ERLIN2: variants seen among roughly 807,000 people sequenced by gnomAD.
ERLIN2 encodes erlin-2.
In ERLIN2, 22 loss-of-function variants were observed where a neutral mutation model predicts 41.5. The observed-to-expected ratio is 0.53, with a 90% CI of 0.38 to 0.76. The LOEUF (loss-of-function observed/expected upper bound fraction) is 0.76, where lower values mean the gene tolerates loss of function less well. ERLIN2 is among the 30% of genes least tolerant of loss of function. ERLIN2 has a pLI of 0.00. For missense variants in ERLIN2, 247 were observed against 414.3 expected, an observed-to-expected ratio of 0.60 and a Z score of 3.51; for synonymous variants, 149 against 150.9, an observed-to-expected ratio of 0.99 and a Z score of 0.09.
In ERLIN2 at chr8:37,741,886, G is replaced by A; in HGVS notation, c.236+68G>A. 7.9e-7 allele frequency: 1 copy of A among 1,272,856 alleles called. No homozygotes were observed. Among genetic ancestry groups the A allele is most frequent in the Non-Finnish European group, 1.1e-6 (1 of 869,750 alleles). 78.8% of individuals were successfully genotyped at this position (1,272,856 alleles called of 1,614,324 possible). The stretch of plus-strand genomic sequence containing the variant: ...AGAAAAGGCTGTCTGGCTGGTTGCA[G>A]GAAGAGACAGTGAAAAGGGAGGCAC... On this transcript the variant is annotated intron_variant, in intron 4 of 11. Coordinates refer to ENST00000519638, the MANE Select transcript of ERLIN2 (RefSeq NM_007175.8). This position sits in a 1 kb window ranked among gnomAD's most constrained non-coding sequence, Gnocchi z 4.8.
chr8:37,740,300 G>C, intron 2 of ERLIN2, 65 bp from the exon 3 acceptor site: 2 of 1,084,164 alleles, frequency 1.8e-6, no homozygotes, highest in East Asian at 2.4e-5. Context: ...TGACCCTCAT[G>C]ATATTGATCT....
chr8:37,743,072 G>A (rs190147774), intron 4 of ERLIN2, among the ~76,000 whole-genome samples: 13 of 152,286 alleles, frequency 8.5e-5, no homozygotes, highest in Admixed American at 2.0e-4. Context: ...TGACAAATCC[G>A]GAATTGGAAC....
chr8:37,753,412 A>T (rs1803273581), intron 10 of ERLIN2, 38 bp from the exon 11 acceptor site: 1 of 1,425,692 alleles, frequency 7.0e-7, no homozygotes, highest in Non-Finnish European at 9.8e-7. Context: ...ACTCAGTTTT[A>T]GCACTTCACC....
In ERLIN2 at chr8:37,755,575, C is replaced by CA. The variant is rs1803339291; in HGVS notation, c.*1460_*1461insA. 1 of 122,956 alleles carries CA rather than the reference C, an allele frequency of 8.1e-6. No homozygotes were observed. Among genetic ancestry groups the CA allele is most frequent in the Non-Finnish European group, 1.8e-5 (1 of 56,540 alleles). The allele number at this position is 122,956 out of a possible 1,614,324, so 7.6% of individuals were successfully genotyped here. ...CCCCCACCCCCCACCCCCCACCCCC[C>CA]CCCCCCGCCAACTCCTATACCCATC... On this transcript the variant is annotated 3_prime_UTR_variant, in exon 12 of 12. Coordinates refer to ENST00000519638, the MANE Select transcript of ERLIN2 (RefSeq NM_007175.8).
intron 11 of ERLIN2, 86 bp downstream of exon 11, chr8:37,753,615 A>G: frequency 8.1e-7 from 1 of 1,237,934 alleles, no homozygotes; most frequent in Non-Finnish European, 1.2e-6. Flanking sequence ...AGCGCCTGCC[A>G]CCACCCAAAG....
At chr8:37,739,150 G>A (rs1400270065) in intron 2 of ERLIN2, among the ~76,000 whole-genome samples, 1 of 152,044 alleles carries the variant, frequency 6.6e-6, no homozygotes, top group Non-Finnish European at 1.5e-5. Flanking sequence ...ATGTGCTGTT[G>A]TGATGCTTGT....
chr8:37,747,354 A>T (rs1300547409), intron 6 of ERLIN2: 1 of 1,338,260 alleles, frequency 7.5e-7, no homozygotes, highest in Non-Finnish European at 1.1e-6. Flanking sequence ...ACTGGTTGTC[A>T]ATCAAGGTCC....
In ERLIN2 at chr8:37,757,941, A is replaced by G. The variant is rs931864959; in HGVS notation, c.*3826A>G. The G allele has an allele frequency of 6.6e-6, 1 of 152,250 alleles. No homozygotes were observed. The highest frequency in any genetic ancestry group is 1.5e-5 in the Non-Finnish European group (1 of 68,032). 9.4% of individuals were successfully genotyped at this position (152,250 alleles called of 1,614,324 possible). ...CCAAAATTCATTTTGATATCAGTTC[A>G]GTGGACGAACTCCCAGTCTTTACTC... is the stretch of plus-strand genomic sequence containing the variant. On this transcript the variant is annotated 3_prime_UTR_variant, in exon 12 of 12. Coordinates refer to ENST00000519638, the MANE Select transcript of ERLIN2 (RefSeq NM_007175.8).
At chr8:37,747,621 T>C in intron 6 of ERLIN2, 1 of 1,611,842 alleles carries the variant, frequency 6.2e-7, no homozygotes, top group Non-Finnish European at 8.5e-7. Context: ...ATATGTTCGT[T>C]TTCCCAAAGC....
chr8:37,743,290 CT>C (rs1195644147), intron 4 of ERLIN2, among the ~76,000 whole-genome samples: 1 of 152,204 alleles, frequency 6.6e-6, no homozygotes, highest in Non-Finnish European at 1.5e-5. Flanking sequence ...CACCAAGGGA[CT>C]AAAATAATAG....
rs1803335056 is a variant in ERLIN2 at position 37,755,555 on chromosome 8, A to ACCCCCC, written c.*1441_*1446dup. On this transcript the variant is annotated 3_prime_UTR_variant, in exon 12 of 12. Coordinates refer to ENST00000519638, the MANE Select transcript of ERLIN2 (RefSeq NM_007175.8). ...TTGGCCCTGTTATGAGCTGACCCCC[A>ACCCCCC]CCCCCCACCCCCCACCCCCCCCCCC... 1 of 62,400 alleles carries ACCCCCC rather than the reference A, an allele frequency of 1.6e-5. No homozygotes were observed. Among genetic ancestry groups the ACCCCCC allele is most frequent in the Non-Finnish European group, 3.0e-5 (1 of 32,992 alleles). 3.9% of individuals were successfully genotyped at this position (62,400 alleles called of 1,614,324 possible).
rs552688108 is a variant in ERLIN2, at chr8:37,745,870, T to G, written c.424+1174T>G. 36 of 1,284,240 alleles carry G rather than the reference T, an allele frequency of 2.8e-5. No homozygotes were observed. In the South Asian group the frequency reaches 7.2e-4, roughly 26 times the overall value. The allele number at this position is 1,284,240 out of a possible 1,614,324, so 79.6% of individuals were successfully genotyped here. A position where few individuals can be genotyped will look rare whatever the true frequency, so the allele number is the denominator to read the frequency against. On this transcript the variant is annotated intron_variant, in intron 6 of 11. Transcript: ENST00000519638. ...TCTTTTTAACCTCAAACTAATAGAA[T>G]TTTATAAAATATTAATTTTCTCTAG... is the stretch of plus-strand genomic sequence containing the variant.
At chr8:37,748,090 C>T (rs1176672992) in intron 6 of ERLIN2, 9 of 965,626 alleles carry the variant, frequency 9.3e-6, no homozygotes, top group East Asian at 2.4e-5. Context: ...CGCCTTTTCC[C>T]TGCGGCTACC....
At chr8:37,742,033 T>C (rs1464138852) in intron 4 of ERLIN2, among the ~76,000 whole-genome samples, 1 of 152,006 alleles carries the variant, frequency 6.6e-6, no homozygotes, top group African/African-American at 2.4e-5. Flanking sequence ...GATAAGGAGT[T>C]TGCACTTACT....
At chr8:37,743,556 T>C (rs1802929025) in intron 4 of ERLIN2, among the ~76,000 whole-genome samples, 1 of 152,184 alleles carries the variant, frequency 6.6e-6, no homozygotes, top group African/African-American at 2.4e-5. Context: ...TACAGTCACA[T>C]TGGGGGTTAG....
At chr8:37,737,595 A>G in intron 1 of ERLIN2, 1 of 386,544 alleles carries the variant, frequency 2.6e-6, no homozygotes, top group Non-Finnish European at 4.9e-6. Flanking sequence ...GTGACAGCAC[A>G]TTCGTGTTCA....
chr8:37,749,962 G>T, intron 8 of ERLIN2, 110 bp downstream of exon 8: 2 of 992,090 alleles, frequency 2.0e-6, no homozygotes, highest in Admixed American at 1.8e-5. Context: ...CCCCTTGCTG[G>T]AGGATTTGCT....
Position 37,755,453 on chromosome 8 carries a change from A to G in ERLIN2, c.*1338A>G, listed in dbSNP as rs1205704080. 1 of 151,950 alleles carries G rather than the reference A, an allele frequency of 6.6e-6. No homozygotes were observed. The highest frequency in any genetic ancestry group is 2.4e-5 in the African/African-American group (1 of 41,346). 9.4% of individuals were successfully genotyped at this position (151,950 alleles called of 1,614,324 possible). The stretch of plus-strand genomic sequence containing the variant: ...TGTATAGCCCATGGGTTGTGTCTAG[A>G]ATTAAGTGGAGGGCAGCTATCTGGA... On this transcript the variant is annotated 3_prime_UTR_variant, in exon 12 of 12. Coordinates refer to ENST00000519638, the MANE Select transcript of ERLIN2 (RefSeq NM_007175.8).
At chr8:37,747,942 G>A (rs1563315342) in intron 6 of ERLIN2, 2 of 1,614,148 alleles carry the variant, frequency 1.2e-6, no homozygotes, top group Non-Finnish European at 1.7e-6. Flanking sequence ...TCTCGCCGTC[G>A]TCATATTCCT....
Sources: gnomAD v4.1 joint callset for allele counts (sites outside exome capture counted in the v4.1 genomes callset) on GRCh38, gnomAD v4.1.1 for gene constraint, Gnocchi (gnomAD v3.1) non-coding constraint, MANE v1.5 for transcripts, NCBI Gene and HGNC (gene_info 2026-07-23, HGNC 2026-07-21) for gene names.